GFOD2: variants seen among roughly 807,000 people sequenced by gnomAD.
GFOD2 encodes Gfo/Idh/MocA-like oxidoreductase domain containing 2, also known as glucose-fructose oxidoreductase domain-containing protein 2.
Under a neutral mutation model 24.6 loss-of-function variants are expected in GFOD2, and 9 were observed. That is an observed-to-expected ratio of 0.37 (90% CI 0.22 to 0.64). GFOD2 has a LOEUF of 0.64. Ranked by LOEUF, GFOD2 falls within the 30% of genes least tolerant of loss-of-function variation. GFOD2 has a pLI of 0.65. For synonymous variants in GFOD2, 211 were observed against 224.8 expected (o/e 0.94, Z 0.55); for missense variants, 476 against 532.5 (o/e 0.89, Z 1.04).
intron 1 of GFOD2, among the ~76,000 whole-genome samples, chr16:67,706,538 T>C (rs554651198): frequency 6.6e-6 from 1 of 152,248 alleles, no homozygotes; most frequent in African/African-American, 2.4e-5. Context: ...CTCTCACTGT[T>C]ATATGCAAAA....
rs2053479718 is a variant in GFOD2 at position 67,712,276 on chromosome 16, TCCCCC to T, written c.-88+6882_-88+6886del. ...AAAGAGCTCCCTCTCCCTCTCCCTC[TCCCCC>T]TCCCCCTCCCCCTCCCCCTCTCCCT... On this transcript the variant is annotated intron_variant, in intron 1 of 2. Coordinates refer to ENST00000268797, the MANE Select transcript of GFOD2 (RefSeq NM_030819.4). Among the ~76,000 whole-genome samples, 317 of 66,354 alleles carry T rather than the reference TCCCCC, an allele frequency of 4.8e-3. 7 individuals carry two copies. Among genetic ancestry groups the T allele is most frequent in the African/African-American group, 0.024 (311 of 12,812 alleles). The allele number at this position is 66,354 out of a possible 152,430, so 43.5% of individuals were successfully genotyped here.
chr16:67,695,474 T>C (rs2142995565), intron 1 of GFOD2, among the ~76,000 whole-genome samples: 1 of 152,272 alleles, frequency 6.6e-6, no homozygotes, highest in East Asian at 1.9e-4. Flanking sequence ...GTTATGGCTG[T>C]TATAGGAGCT....
intron 2 of GFOD2, among the ~76,000 whole-genome samples, chr16:67,678,054 G>A (rs2053195504): frequency 6.6e-6 from 1 of 152,386 alleles, no homozygotes; most frequent in Admixed American, 6.5e-5. Flanking sequence ...ACTGCAGGGT[G>A]CAGCTTACCC....
intron 1 of GFOD2, among the ~76,000 whole-genome samples, chr16:67,701,738 T>G (rs2053403875): frequency 6.6e-6 from 1 of 151,238 alleles, no homozygotes. Flanking sequence ...AAGGATAAAC[T>G]TCACTGTTCT....
chr16:67,712,036 T>C (rs1278375585), intron 1 of GFOD2, among the ~76,000 whole-genome samples: 2 of 152,236 alleles, frequency 1.3e-5, no homozygotes, highest in Non-Finnish European at 2.9e-5. Flanking sequence ...TTGTCTGTTT[T>C]GTTCATTGCT....
At chr16:67,701,027 ACT>A (rs1205224410) in intron 1 of GFOD2, among the ~76,000 whole-genome samples, 1 of 145,856 alleles carries the variant, frequency 6.9e-6, no homozygotes, top group Non-Finnish European at 1.5e-5. Flanking sequence ...ACAGAGTGAG[ACT>A]CTGTCTCAAA....
At chr16:67,696,841 G>GGT (rs2053363307) in intron 1 of GFOD2, among the ~76,000 whole-genome samples, 1 of 152,194 alleles carries the variant, frequency 6.6e-6, no homozygotes, top group African/African-American at 2.4e-5. Context: ...CCCATAAAGG[G>GGT]GTATTGGCTG....
intron 2 of GFOD2, chr16:67,684,834 A>G (rs2053253996): frequency 1.0e-6 from 1 of 986,916 alleles, no homozygotes; most frequent in Non-Finnish European, 1.2e-6. Flanking sequence ...CTGTAGGAGA[A>G]CAGCTCAGCA....
intron 1 of GFOD2, among the ~76,000 whole-genome samples, chr16:67,713,742 A>T (rs1053517205): frequency 3.3e-5 from 5 of 152,260 alleles, no homozygotes; most frequent in East Asian, 3.9e-4. Flanking sequence ...TTCATTAACT[A>T]GGCATGATTG....
chr16:67,696,616 G>C (rs1189646011), intron 1 of GFOD2, among the ~76,000 whole-genome samples: 3 of 151,684 alleles, frequency 2.0e-5, no homozygotes, highest in Admixed American at 2.0e-4. Context: ...TGGGACTACA[G>C]GCACCCACCA....
Position 67,675,350 on chromosome 16 carries a change from C to T in GFOD2, c.963G>A (p.Gln321=). Residue 321 remains glutamine (Q), a synonymous_variant, in exon 3 of 3, where the codon CAG becomes CAA. Transcript: ENST00000268797. ...VQALRQSFQG[Q]GDRRTWDRTP... ...TGCGGTCCCAGGTGCGGCGGTCGCC[C>T]TGCCCCTGGAAGGACTGGCGCAAGG... 1 of 1,613,336 alleles carries T rather than the reference C, an allele frequency of 6.2e-7. No homozygotes were observed. Among genetic ancestry groups the T allele is most frequent in the Non-Finnish European group, 8.5e-7 (1 of 1,179,994 alleles).
At chr16:67,677,120 T>C (rs966406266) in intron 2 of GFOD2, 2 of 152,194 alleles carry the variant, frequency 1.3e-5, no homozygotes, top group African/African-American at 4.8e-5. Flanking sequence ...AGCTCTCCAA[T>C]GTGCAATAGC....
chr16:67,715,324 T>G (rs2142998045), intron 1 of GFOD2, among the ~76,000 whole-genome samples: 1 of 152,294 alleles, frequency 6.6e-6, no homozygotes, highest in East Asian at 1.9e-4. Flanking sequence ...CCTCCCAGAG[T>G]GCTGGGATTA....
intron 1 of GFOD2, among the ~76,000 whole-genome samples, chr16:67,717,804 A>G (rs2053517776): frequency 1.3e-5 from 2 of 152,242 alleles, no homozygotes; most frequent in Middle Eastern, 6.8e-3. Flanking sequence ...AGATAGATAG[A>G]TAGATAGATA....
intron 2 of GFOD2, chr16:67,683,897 A>T: frequency 8.8e-7 from 1 of 1,139,880 alleles, no homozygotes; most frequent in Non-Finnish European, 1.1e-6. Context: ...TACTCAGTCA[A>T]GTAAGTATGT....
At position 67,675,139 on chromosome 16, in the gene GFOD2, G is replaced by A; in HGVS notation, c.*16C>T. 1 of 1,596,792 alleles carries A rather than the reference G, an allele frequency of 6.3e-7. No individual in the cohort carries two copies. Among genetic ancestry groups the A allele is most frequent in the Non-Finnish European group, 8.6e-7 (1 of 1,169,562 alleles). On this transcript the variant is annotated 3_prime_UTR_variant, in exon 3 of 3. Coordinates refer to ENST00000268797, the MANE Select transcript of GFOD2 (RefSeq NM_030819.4). ...CCTGGTCCCTCTGCCCTGTGGCAAG[G>A]AGCCCAGGTGCAGGCTCATAGGTTG...
rs1268066774 is a variant in GFOD2 at position 67,675,310 on chromosome 16, C to T, written c.1003G>A (p.Ala335Thr). ...RTWDRTPVSM[A>T]ASFEDGLYMQ... is the part of the protein sequence containing the mutation. Reference sequence around the variant, plus strand: ...TACAGCCCATCCTCGAAGGAGGCGGCCATGGAGACAGGGGTGCGGTCCCAG... The same window carrying T: ...TACAGCCCATCCTCGAAGGAGGCGGTCATGGAGACAGGGGTGCGGTCCCAG... Residue 335 changes from alanine (A) to threonine (T), a missense_variant, in exon 3 of 3, where the codon GCC becomes ACC. Coordinates refer to ENST00000268797, the MANE Select transcript of GFOD2 (RefSeq NM_030819.4). 4.3e-6 allele frequency: 7 copies of T among 1,612,854 alleles called. No homozygotes were observed. The highest frequency in any genetic ancestry group is 5.9e-6 in the Non-Finnish European group (7 of 1,180,024).
At chr16:67,701,143 C>T (rs891083935) in intron 1 of GFOD2, among the ~76,000 whole-genome samples, 1 of 151,830 alleles carries the variant, frequency 6.6e-6, no homozygotes, top group African/African-American at 2.4e-5. Flanking sequence ...TAGGAAGCAA[C>T]TATTCATTAT....
chr16:67,710,963 G>A lies in GFOD2; in HGVS notation c.-88+8200C>T, dbSNP rs559477375. The stretch of plus-strand genomic sequence containing the variant: ...TGAAAAAAACCCAAACATTGACATT[G>A]GTTGTGCAGTAAAAGGCACAGCAGC... On this transcript the variant is annotated intron_variant, in intron 1 of 2. Coordinates refer to ENST00000268797, the MANE Select transcript of GFOD2 (RefSeq NM_030819.4). Among the ~76,000 whole-genome samples, 3 of 152,200 alleles carry A rather than the reference G, an allele frequency of 2.0e-5. No homozygotes were observed. The South Asian group carries it at 6.2e-4, about 32-fold the overall frequency.
Sources: allele counts gnomAD v4.1 joint callset (sites outside exome capture counted in the v4.1 genomes callset), GRCh38; gene constraint gnomAD v4.1.1; transcripts MANE v1.5; gene names NCBI Gene and HGNC (gene_info 2026-07-23, HGNC 2026-07-21).